The following SASH1 variants were observed in gnomAD, a reference collection of about 807,000 sequenced individuals.
SASH1 encodes the protein SAM and SH3 domain containing 1.
In SASH1, 44 loss-of-function variants were observed where a neutral mutation model predicts 125.2. The observed-to-expected ratio is 0.35, with a 90% CI of 0.28 to 0.45. The LOEUF is 0.45. SASH1 is among the 20% of genes least tolerant of loss of function. The probability of loss-of-function intolerance (pLI) is 1.00; values close to 1 mark genes in which losing one functional copy is unlikely to be tolerated. For synonymous variants in SASH1, 639 were observed against 649.1 expected (o/e 0.98, Z 0.24); for missense variants, 1,426 against 1,614.5 (o/e 0.88, Z 2.00).
chr6:148,307,232 C>G (rs1234724454), intron 1 of SASH1, among the ~76,000 whole-genome samples: 1 of 152,004 alleles, frequency 6.6e-6, no homozygotes, highest in Non-Finnish European at 1.5e-5. Flanking sequence ...GATTCTCCTG[C>G]CTCAGCCTCC....
intron 1 of SASH1, among the ~76,000 whole-genome samples, chr6:148,368,770 G>GCGCGCACACACACA (rs1554245330): frequency 8.8e-5 from 12 of 135,732 alleles, no homozygotes; most frequent in African/African-American, 3.2e-4. Context: ...GCACGCGCGC[G>GCGCGCACACACACA]CACACACACA....
intron 1 of SASH1, among the ~76,000 whole-genome samples, chr6:148,295,282 G>A (rs1192269030): frequency 1.3e-5 from 2 of 152,086 alleles, no homozygotes; most frequent in East Asian, 1.9e-4. Flanking sequence ...CATTACAGAG[G>A]CATTTTCAGC....
chr6:148,521,762 A>T (rs566249010), intron 10 of SASH1, among the ~76,000 whole-genome samples: 1 of 152,222 alleles, frequency 6.6e-6, no homozygotes, highest in African/African-American at 2.4e-5. Flanking sequence ...AGTTTTATGT[A>T]TTTATTTTTT....
intron 1 of SASH1, among the ~76,000 whole-genome samples, chr6:148,331,064 T>C (rs1780983168): frequency 6.6e-6 from 1 of 152,144 alleles, no homozygotes; most frequent in African/African-American, 2.4e-5. Context: ...AGTAACTCAA[T>C]GGTGAGTTGA....
At chr6:148,196,737 G>C in the SASH1 span, among the ~76,000 whole-genome samples, 1 of 152,206 alleles carries the variant, frequency 6.6e-6, no homozygotes, top group Non-Finnish European at 1.5e-5. Context: ...GAAACAATTA[G>C]AGAACAGAAT....
At chr6:148,196,680 G>T in the SASH1 span, among the ~76,000 whole-genome samples, 1 of 152,200 alleles carries the variant, frequency 6.6e-6, no homozygotes, top group African/African-American at 2.4e-5. Context: ...ACGTGATCTT[G>T]ACTCAGGAAG....
intron 4 of SASH1, among the ~76,000 whole-genome samples, chr6:148,449,078 C>CTTTTTCTTTTTTTTTTTTCTTTTTTTTT: frequency 3.4e-5 from 3 of 88,736 alleles, no homozygotes; most frequent in African/African-American, 8.6e-5. Context: ...CATTTCATTT[C>CTTTTTCTTTTTTTTTTTTCTTTTTTTTT]TTTTTTTTTT....
chr6:148,227,591 C>T, the SASH1 span, among the ~76,000 whole-genome samples: 1 of 152,196 alleles, frequency 6.6e-6, no homozygotes, highest in Admixed American at 6.5e-5. Flanking sequence ...CTCCTGACCT[C>T]AGGTGATTTG....
chr6:148,525,371 T>C lies in SASH1; in HGVS notation c.1284+6T>C. On this transcript the variant is annotated splice_donor_region_variant and intron_variant, in intron 11 of 19. Transcript: ENST00000367467. ...GTAATAATTCTGACCCAATGGTGAG[T>C]AACATCAGAGGAAAGCAAAAAATAT... 6.2e-7 allele frequency: 1 copy of C among 1,611,076 alleles called. No individual in the cohort carries two copies. The highest frequency in any genetic ancestry group is 8.5e-7 in the Non-Finnish European group (1 of 1,177,278).
chr6:148,296,281 A>G (rs1405313176), intron 1 of SASH1, among the ~76,000 whole-genome samples: 1 of 152,044 alleles, frequency 6.6e-6, no homozygotes, highest in Non-Finnish European at 1.5e-5. Flanking sequence ...GCATGCCACC[A>G]TGCCCAGCTA....
intron 4 of SASH1, among the ~76,000 whole-genome samples, chr6:148,443,156 A>G (rs1776619021): frequency 6.7e-6 from 1 of 149,874 alleles, no homozygotes; most frequent in Admixed American, 6.7e-5. Context: ...AAAAAAAAAA[A>G]AAAAAAAAAA....
chr6:148,415,498 A>G (rs1017918069), intron 2 of SASH1, among the ~76,000 whole-genome samples: 6 of 152,216 alleles, frequency 3.9e-5, no homozygotes, highest in African/African-American at 1.4e-4. Flanking sequence ...ATTTTGTAGG[A>G]CCGTTTTCTT....
At chr6:148,534,252 G>A (rs563806086) in intron 15 of SASH1, among the ~76,000 whole-genome samples, 83 of 152,270 alleles carry the variant, frequency 5.5e-4, no homozygotes, top group Middle Eastern at 3.4e-3. Context: ...GAAACTCCTG[G>A]CACCTTGATC....
chr6:148,252,454 T>C, the SASH1 span, among the ~76,000 whole-genome samples: 4 of 151,900 alleles, frequency 2.6e-5, no homozygotes, highest in Admixed American at 2.6e-4. Context: ...ATTTGTTTTT[T>C]ATTGTTGTTG....
Position 148,355,738 on chromosome 6 carries a change from G to A in SASH1, c.156+12515G>A, listed in dbSNP as rs144800289. ...TTAAACCTCGAGAGAAGCTTACCAG[G>A]TCACATCCCTTAATCTAAGAAGTGC... On this transcript the variant is annotated intron_variant, in intron 1 of 19. Coordinates refer to ENST00000367467, the MANE Select transcript of SASH1 (RefSeq NM_015278.5). Among the ~76,000 whole-genome samples the A allele has an allele frequency of 5.2e-3, 785 of 152,186 alleles. 6 individuals are homozygous for A. Among genetic ancestry groups the A allele is most frequent in the Non-Finnish European group, 8.2e-3 (556 of 68,014 alleles).
chr6:148,374,053 C>T (rs368124592), intron 1 of SASH1, among the ~76,000 whole-genome samples: 1 of 152,320 alleles, frequency 6.6e-6, no homozygotes, highest in African/African-American at 2.4e-5. Flanking sequence ...CACGGTCCAT[C>T]CTGACAGAAT....
chr6:148,425,960 G>T (rs543578037), intron 2 of SASH1, among the ~76,000 whole-genome samples: 2 of 152,120 alleles, frequency 1.3e-5, no homozygotes, highest in African/African-American at 4.8e-5. Context: ...TGTAATCCCA[G>T]CACTTTGAGA....
At chr6:148,257,604 T>C in the SASH1 span, among the ~76,000 whole-genome samples, 1 of 151,700 alleles carries the variant, frequency 6.6e-6, no homozygotes, top group Admixed American at 6.6e-5. Flanking sequence ...TAAGTACACA[T>C]GCTATATTGT....
intron 1 of SASH1, among the ~76,000 whole-genome samples, chr6:148,375,489 G>C (rs998411016): frequency 6.6e-6 from 1 of 151,642 alleles, no homozygotes; most frequent in Non-Finnish European, 1.5e-5. Context: ...TTAAATCTAC[G>C]AATAAGAACA....
Sources: allele counts gnomAD v4.1 joint callset (sites outside exome capture counted in the v4.1 genomes callset), GRCh38; gene constraint gnomAD v4.1.1; transcripts MANE v1.5; gene names NCBI Gene and HGNC (gene_info 2026-07-23, HGNC 2026-07-21).